NLGN1: variants seen among roughly 807,000 people sequenced by gnomAD.
NLGN1 encodes neuroligin 1, also known as neuroligin-1.
NLGN1 carries 12 observed loss-of-function variants against 65.5 expected under a neutral mutation model. That is an observed-to-expected ratio of 0.18 (90% CI 0.12 to 0.30). The LOEUF is 0.30. Among genes scored for constraint, NLGN1 ranks in the 10% least tolerant of loss-of-function variants. NLGN1 has a pLI of 1.00. For synonymous variants in NLGN1, 350 were observed against 359.5 expected, an observed-to-expected ratio of 0.97 and a Z score of 0.30; for missense variants, 750 against 1,007.1, an observed-to-expected ratio of 0.74 and a Z score of 3.46.
intron 3 of NLGN1, among the ~76,000 whole-genome samples, chr3:173,631,047 C>T (rs1051814934): frequency 5.0e-4 from 76 of 152,158 alleles, no homozygotes; most frequent in Non-Finnish European, 1.2e-4. Context: ...GTGACTGCTC[C>T]GCCTTCTTTG....
At chr3:174,088,066 A>T (rs1743757589) in intron 4 of NLGN1, among the ~76,000 whole-genome samples, 1 of 152,366 alleles carries the variant, frequency 6.6e-6, no homozygotes, top group South Asian at 2.1e-4. Flanking sequence ...TGCTAATATT[A>T]CATTTTGTTT....
At chr3:174,081,067 G>A (rs1233577735) in intron 4 of NLGN1, among the ~76,000 whole-genome samples, 1 of 151,938 alleles carries the variant, frequency 6.6e-6, no homozygotes, top group Non-Finnish European at 1.5e-5. Context: ...TGGGTGGGCT[G>A]CTGAACTTAA....
intron 4 of NLGN1, among the ~76,000 whole-genome samples, chr3:174,138,561 A>G (rs1721656936): frequency 6.6e-6 from 1 of 151,616 alleles, no homozygotes; most frequent in Non-Finnish European, 1.5e-5. Context: ...CAGCCTCCCA[A>G]ATAGCTGGGA....
intron 4 of NLGN1, among the ~76,000 whole-genome samples, chr3:173,839,088 A>C (rs1578719316): frequency 8.4e-6 from 1 of 119,346 alleles, no homozygotes; most frequent in East Asian, 2.1e-4. Flanking sequence ...CTTGAATTGG[A>C]TGACTTTTTT....
intron 2 of NLGN1, among the ~76,000 whole-genome samples, chr3:173,437,984 A>T (rs376162048): frequency 6.6e-5 from 10 of 152,098 alleles, no homozygotes; most frequent in Admixed American, 2.6e-4. Context: ...GTTTCCAAGT[A>T]TCCAAGTCCC....
chr3:173,817,122 G>A (rs1719186097), intron 4 of NLGN1, among the ~76,000 whole-genome samples: 1 of 152,170 alleles, frequency 6.6e-6, no homozygotes, highest in South Asian at 2.1e-4. Flanking sequence ...AGCGGAGAAG[G>A]CAGAGCTGTG....
intron 4 of NLGN1, among the ~76,000 whole-genome samples, chr3:174,005,605 C>G (rs1452643603): frequency 6.6e-6 from 1 of 152,138 alleles, no homozygotes; most frequent in East Asian, 1.9e-4. Flanking sequence ...GTGCTGATCT[C>G]AGTTTACACA....
chr3:173,563,796 C>T (rs529408140), intron 2 of NLGN1, among the ~76,000 whole-genome samples: 4 of 152,304 alleles, frequency 2.6e-5, no homozygotes, highest in East Asian at 3.9e-4. Context: ...TTAAAGCCGT[C>T]GGCATCTTCC....
At chr3:174,144,067 C>G (rs984083763) in intron 4 of NLGN1, among the ~76,000 whole-genome samples, 2 of 152,122 alleles carry the variant, frequency 1.3e-5, no homozygotes, top group Non-Finnish European at 1.5e-5. Context: ...CCTCCCCTAG[C>G]CTCCCACCCT....
intron 4 of NLGN1, among the ~76,000 whole-genome samples, chr3:174,120,813 T>A (rs937245117): frequency 6.6e-6 from 1 of 152,186 alleles, no homozygotes; most frequent in Non-Finnish European, 1.5e-5. Flanking sequence ...AAAGATAGTT[T>A]CTTGGCCAAG....
chr3:174,123,041 G>A (rs538912704), intron 4 of NLGN1, among the ~76,000 whole-genome samples: 2 of 152,032 alleles, frequency 1.3e-5, no homozygotes, highest in South Asian at 4.2e-4. Flanking sequence ...CCACCAAGAA[G>A]AGGATGTCAA....
At chr3:174,179,345 G>C (rs1452713240) in intron 4 of NLGN1, among the ~76,000 whole-genome samples, 1 of 152,054 alleles carries the variant, frequency 6.6e-6, no homozygotes, top group Admixed American at 6.6e-5. Context: ...AGAGTAGATA[G>C]GTAAAGTTGA....
In NLGN1 at chr3:173,611,811, T is replaced by A. The variant is rs1039146030; in HGVS notation, c.493+6720T>A. Among the ~76,000 whole-genome samples, 7 of 152,162 alleles carry A rather than the reference T, an allele frequency of 4.6e-5. No individual in the cohort carries two copies. In the South Asian group the frequency reaches 6.2e-4, roughly 14 times the overall value. On this transcript the variant is annotated intron_variant, in intron 3 of 6. Transcript: ENST00000457714. The stretch of plus-strand genomic sequence containing the variant: ...TTCAATTTTTCCAAAGAATAAATAC[T>A]TTTTTTCTTATAGAAACTGGGGTTG...
intron 3 of NLGN1, among the ~76,000 whole-genome samples, chr3:173,673,821 A>G (rs1304072774): frequency 6.6e-6 from 1 of 152,138 alleles, no homozygotes; most frequent in Non-Finnish European, 1.5e-5. Flanking sequence ...AAACAAAGCA[A>G]GGAAGGAATG....
chr3:174,201,275 G>A (rs1372714963), intron 4 of NLGN1, among the ~76,000 whole-genome samples: 1 of 135,878 alleles, frequency 7.4e-6, no homozygotes, highest in Non-Finnish European at 1.6e-5. Flanking sequence ...GGAAGGAAAG[G>A]AAAGGAAAGG....
chr3:174,181,325 T>C (rs1479058523), intron 4 of NLGN1, among the ~76,000 whole-genome samples: 3 of 152,160 alleles, frequency 2.0e-5, no homozygotes, highest in African/African-American at 7.2e-5. Context: ...TACCTGGCTA[T>C]TTATTAGGCT....
At chr3:173,923,926 T>A (rs1389590919) in intron 4 of NLGN1, among the ~76,000 whole-genome samples, 2 of 152,144 alleles carry the variant, frequency 1.3e-5, no homozygotes, top group Non-Finnish European at 2.9e-5. Flanking sequence ...TGAATGGCAT[T>A]TTTTAGAATA....
intron 3 of NLGN1, among the ~76,000 whole-genome samples, chr3:173,757,190 T>C (rs1246386454): frequency 6.6e-6 from 1 of 152,034 alleles, no homozygotes; most frequent in Admixed American, 6.6e-5. Context: ...AAATCACTGA[T>C]GAATGAAACC....
At chr3:173,957,350 T>G (rs1010870190) in intron 4 of NLGN1, among the ~76,000 whole-genome samples, 5 of 152,204 alleles carry the variant, frequency 3.3e-5, no homozygotes, top group African/African-American at 1.2e-4. Context: ...ATAAATAGCA[T>G]AGCTCATTAT....
Sources: gnomAD v4.1 joint callset for allele counts (sites outside exome capture counted in the v4.1 genomes callset) on GRCh38, gnomAD v4.1.1 for gene constraint, MANE v1.5 for transcripts, NCBI Gene and HGNC (gene_info 2026-07-23, HGNC 2026-07-21) for gene names.